Variants in C6 observed in about 807,000 individuals in gnomAD.
The protein encoded by C6 is complement component C6.
C6 carries 101 observed loss-of-function variants against 112.9 expected under a neutral mutation model. The observed-to-expected ratio is 0.89, with a 90% CI of 0.76 to 1.06. C6 has a LOEUF of 1.06. C6 is among the 50% of genes least tolerant of loss of function. C6 has a pLI of 0.00. For synonymous variants in C6, 431 were observed against 384.1 expected (o/e 1.12, Z -1.43); for missense variants, 1,202 against 1,104.6 (o/e 1.09, Z -1.25).
chr5:41,182,223 C>T (rs189714578), intron 6 of C6, among the ~76,000 whole-genome samples: 18 of 151,514 alleles, frequency 1.2e-4, no homozygotes, highest in African/African-American at 4.4e-4. Context: ...TGGTATCTGT[C>T]ACTTTAAGAG....
Position 41,149,928 on chromosome 5 carries a change from C to T in C6, c.2381+7G>A, listed in dbSNP as rs201815040. ...TTTCCAGACACAGTCTGTAGGGTAT[C>T]TCTTACCTACAGTCTTCTTCTGGAG... On this transcript the variant is annotated splice_region_variant and intron_variant, in intron 16 of 17. Transcript: ENST00000337836. 5.1e-6 allele frequency: 8 copies of T among 1,581,634 alleles called. No homozygotes were observed. The highest frequency in any genetic ancestry group is 3.3e-5 in the Admixed American group (2 of 59,928).
chr5:41,254,707 T>TGTTGG (rs1219358089), intron 1 of C6, among the ~76,000 whole-genome samples: 6 of 152,328 alleles, frequency 3.9e-5, no homozygotes, highest in African/African-American at 1.4e-4. Context: ...AAGGAAATCA[T>TGTTGG]AATACAGTGT....
Position 41,186,051 on chromosome 5 carries a change from C to CGGTGTTG in C6, c.726+18_726+19insCAACACC, listed in dbSNP as rs761040264. On this transcript the variant is annotated intron_variant, in intron 6 of 17. Transcript: ENST00000337836. The stretch of plus-strand genomic sequence containing the variant: ...ATCACTGACGGTGTTGGAGTTGCCA[C>CGGTGTTG]CATGCTAGGCTGTCATACCTCAAAG... 2 of 1,613,812 alleles carry CGGTGTTG rather than the reference C, an allele frequency of 1.2e-6. No homozygotes were observed. The highest frequency in any genetic ancestry group is 1.7e-6 in the Non-Finnish European group (2 of 1,179,810).
At position 41,203,208 on chromosome 5, in the gene C6, T is replaced by C. The variant is rs990926091; in HGVS notation, c.23A>G (p.Tyr8Cys). The C allele has an allele frequency of 3.7e-6, 6 of 1,613,976 alleles. No individual in the cohort carries two copies. The East Asian group carries it at 1.3e-4, about 36-fold the overall frequency. ...GATCAGAGCATTCAGCAGGATGAAG[T>C]ACAAGACAGAGCGTCTGGCCATGCC... MARRSVL[Y>C]FILLNALINK... The change falls in exon 2 of 18, where the codon TAC becomes TGC. Residue 8 changes from tyrosine to cysteine, a missense_variant. By Grantham distance (194) the Tyr-to-Cys change is radical. Transcript: ENST00000337836.
At chr5:41,157,823 G>A (rs191858389) in intron 13 of C6, among the ~76,000 whole-genome samples, 33 of 152,226 alleles carry the variant, frequency 2.2e-4, no homozygotes, top group African/African-American at 7.5e-4. Flanking sequence ...CTAGAGTAAA[G>A]ACTAATTAAA....
At chr5:41,164,118 G>T (rs931018387) in intron 9 of C6, among the ~76,000 whole-genome samples, 1 of 151,710 alleles carries the variant, frequency 6.6e-6, no homozygotes, top group Non-Finnish European at 1.5e-5. Flanking sequence ...GTAGAAAGGG[G>T]GGAGGGAGGG....
At chr5:41,200,799 G>A (rs1010296143) in intron 3 of C6, among the ~76,000 whole-genome samples, 12 of 151,914 alleles carry the variant, frequency 7.9e-5, no homozygotes, top group African/African-American at 2.7e-4. Flanking sequence ...TAGAGGAAGG[G>A]CAAGGAGTGA....
At chr5:41,158,926 C>G in intron 12 of C6, 141 bp from the exon 13 acceptor site, 1 of 1,090,906 alleles carries the variant, frequency 9.2e-7, no homozygotes, top group Non-Finnish European at 1.4e-6. Flanking sequence ...GAAAAAGGCA[C>G]GGCAGTAGAC....
intron 1 of C6, among the ~76,000 whole-genome samples, chr5:41,219,574 T>C (rs542633157): frequency 4.6e-5 from 7 of 152,156 alleles, no homozygotes; most frequent in Non-Finnish European, 7.3e-5. Context: ...AAACTAATGA[T>C]AGCAGTGATA....
chr5:41,170,214 T>C (rs1748309945), intron 9 of C6, among the ~76,000 whole-genome samples: 1 of 152,048 alleles, frequency 6.6e-6, no homozygotes, highest in Admixed American at 6.5e-5. Context: ...TCCATTTCCA[T>C]CAAATTTTCT....
At chr5:41,206,214 T>G (rs1447636823) in intron 1 of C6, among the ~76,000 whole-genome samples, 1 of 152,202 alleles carries the variant, frequency 6.6e-6, no homozygotes, top group Non-Finnish European at 1.5e-5. Flanking sequence ...AAACCCCATC[T>G]GTACGTCACC....
chr5:41,162,002 CA>C (rs1464684108), intron 9 of C6, 143 bp from the exon 10 acceptor site: 3 of 726,182 alleles, frequency 4.1e-6, no homozygotes, highest in Non-Finnish European at 7.1e-6. Flanking sequence ...AGTGAAAAAG[CA>C]AGAGAACACT....
chr5:41,166,689 T>C (rs1426572296), intron 9 of C6, among the ~76,000 whole-genome samples: 1 of 152,112 alleles, frequency 6.6e-6, no homozygotes, highest in African/African-American at 2.4e-5. Context: ...AGTGCTATGA[T>C]GTTGTGAATG....
At chr5:41,156,103 T>TA (rs1746878747) in intron 13 of C6, among the ~76,000 whole-genome samples, 1 of 152,126 alleles carries the variant, frequency 6.6e-6, no homozygotes, top group South Asian at 2.1e-4. Flanking sequence ...TATTTTAACT[T>TA]ACTTTACCAC....
At chr5:41,144,756 T>A (rs928012714) in intron 17 of C6, among the ~76,000 whole-genome samples, 11 of 152,224 alleles carry the variant, frequency 7.2e-5, no homozygotes, top group Admixed American at 2.6e-4. Context: ...CACCCTCAAG[T>A]CGGCCCTGGT....
intron 1 of C6, among the ~76,000 whole-genome samples, chr5:41,229,197 T>C (rs1739719252): frequency 6.6e-6 from 1 of 152,140 alleles, no homozygotes; most frequent in Non-Finnish European, 1.5e-5. Context: ...TCTCCTCTGA[T>C]ATTTGTTATT....
chr5:41,172,720 A>G (rs1347334032), intron 8 of C6: 2 of 360,260 alleles, frequency 5.6e-6, no homozygotes, highest in African/African-American at 4.2e-5. Context: ...TGGCCGCTGC[A>G]CTGTGTAGCC....
chr5:41,158,152 T>G (rs1469081378), intron 13 of C6, among the ~76,000 whole-genome samples: 1 of 152,060 alleles, frequency 6.6e-6, no homozygotes, highest in African/African-American at 2.4e-5. Context: ...TCTGACAAAA[T>G]GTATTCAGCT....
Position 41,149,917 on chromosome 5 carries a change from C to G in C6, c.2381+18G>C. The G allele has an allele frequency of 6.4e-7, 1 of 1,554,082 alleles. No individual in the cohort carries two copies. Among genetic ancestry groups the G allele is most frequent in the Non-Finnish European group, 8.9e-7 (1 of 1,125,448 alleles). On this transcript the variant is annotated intron_variant, in intron 16 of 17. Transcript: ENST00000337836. ...GGTTTTCCCAATTTCCAGACACAGTCTGTAGGGTATCTCTTACCTACAGTC... is the reference window on the plus strand; with the variant it reads ...GGTTTTCCCAATTTCCAGACACAGTGTGTAGGGTATCTCTTACCTACAGTC...
Sources: gnomAD v4.1 joint callset for allele counts (sites outside exome capture counted in the v4.1 genomes callset) on GRCh38, gnomAD v4.1.1 for gene constraint, MANE v1.5 for transcripts, NCBI Gene and HGNC (gene_info 2026-07-23, HGNC 2026-07-21) for gene names.